The following MYT1L variants were observed in gnomAD, a reference collection of about 807,000 sequenced individuals.
The protein encoded by MYT1L is myelin transcription factor 1 like, also known as myelin transcription factor 1-like protein.
In MYT1L, 12 loss-of-function variants were observed where a neutral mutation model predicts 126.7. That is an observed-to-expected ratio of 0.09 (90% CI 0.06 to 0.15). MYT1L has a LOEUF of 0.15. MYT1L is among the 10% of genes least tolerant of loss of function. The probability of loss-of-function intolerance (pLI) is 1.00; values close to 1 mark genes in which losing one functional copy is unlikely to be tolerated. For synonymous variants in MYT1L, 541 were observed against 604.2 expected (o/e 0.90, Z 1.53); for missense variants, 979 against 1,585.2 (o/e 0.62, Z 6.49).
intron 8 of MYT1L, among the ~76,000 whole-genome samples, chr2:1,956,191 G>GTCTGTCTA (rs1553354694): frequency 0.04 from 5,817 of 145,958 alleles, 229 homozygotes; most frequent in East Asian, 0.094. Flanking sequence ...TTACCTAGCT[G>GTCTGTCTA]TCTATCTATC....
At chr2:2,165,730 C>CA (rs2088961818) in intron 3 of MYT1L, among the ~76,000 whole-genome samples, 1 of 151,824 alleles carries the variant, frequency 6.6e-6, no homozygotes, top group Non-Finnish European at 1.5e-5. Flanking sequence ...ATGTTGTATT[C>CA]AAAAATACTT....
rs559931605 is a variant in MYT1L, at chr2:1,844,126, G to A, written c.2775-3283C>T. Among the ~76,000 whole-genome samples the A allele has an allele frequency of 9.2e-5, 14 of 152,212 alleles. No individual in the cohort carries two copies. In the East Asian group the frequency reaches 1.7e-3, roughly 19 times the overall value. The stretch of plus-strand genomic sequence containing the variant: ...CCCCCACTCACTTGGTGGGCAGCTC[G>A]GCACCTGTGCCCCACGGGGTCCTCT... On this transcript the variant is annotated intron_variant, in intron 19 of 24. Coordinates refer to ENST00000647738, the MANE Select transcript of MYT1L (RefSeq NM_001303052.2).
chr2:1,830,213 G>C (rs1345012559), intron 21 of MYT1L, among the ~76,000 whole-genome samples: 1 of 152,186 alleles, frequency 6.6e-6, no homozygotes, highest in African/African-American at 2.4e-5. Flanking sequence ...TCACTCACGG[G>C]GGGTCAGGCA....
At chr2:1,903,657 C>T (rs1445366857) in intron 13 of MYT1L, among the ~76,000 whole-genome samples, 2 of 151,834 alleles carry the variant, frequency 1.3e-5, no homozygotes, top group East Asian at 1.9e-4. Context: ...AAAGAGTTGC[C>T]GAATTATACA....
At chr2:1,874,126 A>T (rs541147619) in intron 18 of MYT1L, among the ~76,000 whole-genome samples, 18 of 152,194 alleles carry the variant, frequency 1.2e-4, no homozygotes, top group Admixed American at 9.2e-4. Context: ...CCATGTTCTC[A>T]GCAACCCAAT....
chr2:2,010,373 ATGT>A (rs1434809379), intron 4 of MYT1L, among the ~76,000 whole-genome samples: 1 of 152,076 alleles, frequency 6.6e-6, no homozygotes, highest in African/African-American at 2.4e-5. Context: ...GGCTGACTGT[ATGT>A]TGTTAAGTTC....
At position 1,979,978 on chromosome 2, in the gene MYT1L, C is replaced by G. The variant is rs1356132154; in HGVS notation, c.1-201G>C. On this transcript the variant is annotated intron_variant, in intron 5 of 24. Transcript: ENST00000647738. The surrounding 1 kb of genome is among the most constrained non-coding windows in gnomAD (Gnocchi z 4.0). Reference sequence around the variant, plus strand: ...CAAACAATTATAAACAGACCTTAACCTTGTAGGGAATATTTAATCAGGAGG... The same window carrying G: ...CAAACAATTATAAACAGACCTTAACGTTGTAGGGAATATTTAATCAGGAGG... Among the ~76,000 whole-genome samples the G allele has an allele frequency of 6.6e-6, 1 of 152,086 alleles. No individual in the cohort carries two copies. Among genetic ancestry groups the G allele is most frequent in the Non-Finnish European group, 1.5e-5 (1 of 68,018 alleles).
intron 18 of MYT1L, among the ~76,000 whole-genome samples, chr2:1,880,833 T>C (rs1025003545): frequency 6.6e-6 from 1 of 152,244 alleles, no homozygotes; most frequent in Non-Finnish European, 1.5e-5. Context: ...TCCTGCCACC[T>C]CTTGCCTCCT....
intron 1 of MYT1L, among the ~76,000 whole-genome samples, chr2:2,298,975 C>T (rs970215258): frequency 6.6e-6 from 1 of 152,182 alleles, no homozygotes; most frequent in Non-Finnish European, 1.5e-5. Flanking sequence ...GCCTCAGCTT[C>T]CCAAGTAGCT....
At chr2:2,236,812 T>C (rs1342493498) in intron 2 of MYT1L, among the ~76,000 whole-genome samples, 1 of 9,252 alleles carries the variant, frequency 1.1e-4, no homozygotes, top group Admixed American at 9.8e-4. Flanking sequence ...CTTCTTCTTC[T>C]TCTTTTTTTT....
chr2:2,298,916 G>A (rs1404104172), intron 1 of MYT1L, among the ~76,000 whole-genome samples: 1 of 152,028 alleles, frequency 6.6e-6, no homozygotes, highest in African/African-American at 2.4e-5. Flanking sequence ...GCAGTGGCAC[G>A]ATCTCGGCTC....
chr2:2,316,975 CA>C (rs1019386750), intron 1 of MYT1L, among the ~76,000 whole-genome samples: 6 of 142,104 alleles, frequency 4.2e-5, no homozygotes, highest in African/African-American at 1.5e-4. Context: ...CATGCCCAGC[CA>C]ATTTTTTTTT....
chr2:1,908,460 C>A (rs1449375200), intron 13 of MYT1L, among the ~76,000 whole-genome samples: 1 of 151,784 alleles, frequency 6.6e-6, no homozygotes, highest in Non-Finnish European at 1.5e-5. Context: ...AGCAGGGCAG[C>A]CCGAAGGTGG....
intron 18 of MYT1L, among the ~76,000 whole-genome samples, chr2:1,868,746 A>G (rs537339032): frequency 1.3e-5 from 2 of 152,170 alleles, no homozygotes; most frequent in East Asian, 1.9e-4. Flanking sequence ...TGCTATGGAG[A>G]CACGGTTGCT....
intron 1 of MYT1L, chr2:2,303,734 G>A (rs1252355971): frequency 1.3e-5 from 2 of 152,344 alleles, no homozygotes; most frequent in East Asian, 3.8e-4. Context: ...CAAGGGCCGG[G>A]AGGAGGGAAG....
chr2:1,994,845 T>C (rs145308514), intron 5 of MYT1L, among the ~76,000 whole-genome samples: 2 of 152,364 alleles, frequency 1.3e-5, no homozygotes, highest in East Asian at 3.9e-4. Context: ...TGAAATTATC[T>C]TAATGATTTT....
At chr2:2,093,404 CAAAA>C (rs35350564) in intron 3 of MYT1L, among the ~76,000 whole-genome samples, 2 of 116,780 alleles carry the variant, frequency 1.7e-5, no homozygotes, top group African/African-American at 6.0e-5. Flanking sequence ...AAACAATGTA[CAAAA>C]AAAAAAAAAG....
chr2:1,953,836 A>T (rs1238846503), intron 8 of MYT1L, among the ~76,000 whole-genome samples: 3 of 152,216 alleles, frequency 2.0e-5, no homozygotes, highest in Admixed American at 6.5e-5. Context: ...CACTTGCAAG[A>T]CTAGAATGTT....
At position 1,887,600 on chromosome 2, in the gene MYT1L, A is replaced by G; in HGVS notation, c.2530T>C (p.Leu844=). 1.2e-6 allele frequency: 2 copies of G among 1,613,978 alleles called. No individual in the cohort carries two copies. The highest frequency in any genetic ancestry group is 1.7e-6 in the Non-Finnish European group (2 of 1,179,890). The change falls in exon 17 of 25, where the codon TTG becomes CTG. Residue 844 remains leucine (L), a synonymous_variant. Transcript: ENST00000647738. The surrounding 1 kb of genome is among the most constrained non-coding windows in gnomAD (Gnocchi z 4.8). ...DESKDITPED[L]DPFQEALEER... ...TCTAGAGCCTCCTGGAATGGGTCCA[A>G]GTCTTCTGGCTGTGGGCAAAACACA...
Sources: gnomAD v4.1 joint callset for allele counts (sites outside exome capture counted in the v4.1 genomes callset) on GRCh38, gnomAD v4.1.1 for gene constraint, Gnocchi (gnomAD v3.1) non-coding constraint, MANE v1.5 for transcripts, NCBI Gene and HGNC (gene_info 2026-07-23, HGNC 2026-07-21) for gene names.